The following TXNRD1 variants were observed in gnomAD, a reference collection of about 807,000 sequenced individuals.
TXNRD1 encodes the protein thioredoxin reductase 1, cytoplasmic.
In TXNRD1, 57 loss-of-function variants were observed where a neutral mutation model predicts 80.3. The observed-to-expected ratio is 0.71, with a 90% confidence interval of 0.57 to 0.89. TXNRD1 has a LOEUF of 0.89. Among genes scored for constraint, TXNRD1 ranks in the 40% least tolerant of loss-of-function variants. The pLI is 0.00. For missense variants in TXNRD1, 730 were observed against 803.0 expected, an observed-to-expected ratio of 0.91 and a Z score of 1.10; for synonymous variants, 291 against 285.2, an observed-to-expected ratio of 1.02 and a Z score of -0.20.
intron 15 of TXNRD1, 105 bp from the exon 16 acceptor site, chr12:104,339,034 A>T: frequency 6.9e-7 from 1 of 1,452,348 alleles, no homozygotes; most frequent in Non-Finnish European, 9.3e-7. Flanking sequence ...GTCATTTTTG[A>T]GTTGGATTTT....
intron 4 of TXNRD1, among the ~76,000 whole-genome samples, chr12:104,306,868 T>C (rs1170974535): frequency 6.6e-6 from 1 of 152,174 alleles, no homozygotes; most frequent in African/African-American, 2.4e-5. Flanking sequence ...GAAGAAAAAG[T>C]ACTCTTAATG....
At chr12:104,326,003 G>A (rs2063616100) in intron 11 of TXNRD1, among the ~76,000 whole-genome samples, 2 of 152,050 alleles carry the variant, frequency 1.3e-5, no homozygotes, top group African/African-American at 4.8e-5. Flanking sequence ...TTTCTGTCCC[G>A]TGTTCTTTCC....
intron 10 of TXNRD1, among the ~76,000 whole-genome samples, chr12:104,324,180 C>T (rs1717920773): frequency 6.6e-6 from 1 of 152,098 alleles, no homozygotes; most frequent in South Asian, 2.1e-4. Context: ...ACCAATTAAG[C>T]TCTTTTCCAA....
intron 4 of TXNRD1, among the ~76,000 whole-genome samples, chr12:104,290,720 C>CATATATGT (rs2034159298): frequency 1.8e-5 from 1 of 55,874 alleles, no homozygotes; most frequent in Non-Finnish European, 3.4e-5. Context: ...AAGAAATATA[C>CATATATGT]ATATATATAT....
At chr12:104,283,767 G>T (rs919977405) in intron 3 of TXNRD1, among the ~76,000 whole-genome samples, 13 of 152,108 alleles carry the variant, frequency 8.5e-5, no homozygotes, top group African/African-American at 2.4e-4. Context: ...CTACTCAGGA[G>T]GCTGAGGCAG....
At chr12:104,258,489 G>A (rs61937860) in intron 3 of TXNRD1, among the ~76,000 whole-genome samples, 9,562 of 152,306 alleles carry the variant, frequency 0.063, 399 homozygotes, top group Non-Finnish European at 0.096. Flanking sequence ...GATCAGTAAA[G>A]GTGAAAGATC....
intron 2 of TXNRD1, among the ~76,000 whole-genome samples, chr12:104,257,366 G>A (rs1392242415): frequency 6.8e-6 from 1 of 146,782 alleles, no homozygotes; most frequent in African/African-American, 2.5e-5. Context: ...TCCCAGGTTT[G>A]CCACATAATG....
rs869239974 is a variant in TXNRD1 at position 104,252,690 on chromosome 12, A to ATTTT, written c.243+1039_243+1042dup. Reference sequence around the variant, plus strand: ...TATATATATATATATATATATATATATTTTTTTTTTTTTTTTTTTTTTTTT... The same window carrying ATTTT: ...TATATATATATATATATATATATATATTTTTTTTTTTTTTTTTTTTTTTTTTTTT... On this transcript the variant is annotated intron_variant, in intron 2 of 16. Transcript: ENST00000525566. Among the ~76,000 whole-genome samples the ATTTT allele has an allele frequency of 7.8e-4, 31 of 39,658 alleles. 6 individuals carry two copies. Among genetic ancestry groups the ATTTT allele is most frequent in the African/African-American group, 2.9e-3 (25 of 8,538 alleles). The allele number at this position is 39,658 out of a possible 152,430, so 26.0% of individuals were successfully genotyped here. A position where few individuals can be genotyped will look rare whatever the true frequency, so the allele number is the denominator to read the frequency against.
intron 10 of TXNRD1, among the ~76,000 whole-genome samples, chr12:104,322,069 A>G (rs1384793855): frequency 1.3e-5 from 2 of 151,668 alleles, no homozygotes; most frequent in East Asian, 3.9e-4. Context: ...TAATGCTGAT[A>G]GATAAGAATA....
intron 1 of TXNRD1, among the ~76,000 whole-genome samples, chr12:104,216,370 G>C (rs759792323): frequency 1.3e-5 from 2 of 152,206 alleles, no homozygotes; most frequent in South Asian, 4.1e-4. Context: ...CCTCCATCGA[G>C]AATCTTGTCC....
intron 16 of TXNRD1, among the ~76,000 whole-genome samples, chr12:104,343,360 T>C (rs1056251173): frequency 6.6e-6 from 1 of 152,136 alleles, no homozygotes; most frequent in African/African-American, 2.4e-5. Context: ...ATATTTGGCA[T>C]AGAATTTAAA....
intron 6 of TXNRD1, among the ~76,000 whole-genome samples, chr12:104,315,444 C>T (rs1291465076): frequency 6.6e-6 from 1 of 152,122 alleles, no homozygotes; most frequent in African/African-American, 2.4e-5. Context: ...AATCGTAAGT[C>T]GGGTCGTCTG....
intron 1 of TXNRD1, among the ~76,000 whole-genome samples, chr12:104,241,265 T>G (rs568404937): frequency 2.7e-4 from 41 of 152,156 alleles, no homozygotes; most frequent in African/African-American, 9.4e-4. Context: ...GGTGTCAAAC[T>G]CCTGACCTGG....
At chr12:104,316,227 C>G (rs1314940728) in intron 7 of TXNRD1, among the ~76,000 whole-genome samples, 1 of 145,742 alleles carries the variant, frequency 6.9e-6, no homozygotes, top group East Asian at 2.0e-4. Flanking sequence ...TTTCATGTTG[C>G]ATTTTTCTCC....
chr12:104,304,539 C>T, intron 4 of TXNRD1: 1 of 1,613,978 alleles, frequency 6.2e-7, no homozygotes, highest in African/African-American at 1.3e-5. Flanking sequence ...GGCAACATGC[C>T]TACAAAGTTG....
intron 3 of TXNRD1, among the ~76,000 whole-genome samples, chr12:104,272,181 C>G (rs576994458): frequency 9.2e-4 from 140 of 152,264 alleles, no homozygotes; most frequent in African/African-American, 3.0e-3. Flanking sequence ...CCCTTACAGA[C>G]GGAGCAATGG....
In TXNRD1 at chr12:104,326,552, G is replaced by A. The variant is rs140828807; in HGVS notation, c.1385+129G>A. 2.6e-4 allele frequency: 142 copies of A among 542,374 alleles called. 3 individuals are homozygous for A. The East Asian group carries it at 4.9e-3, about 19-fold the overall frequency. The allele number at this position is 542,374 out of a possible 1,614,324, so 33.6% of individuals were successfully genotyped here. A position where few individuals can be genotyped will look rare whatever the true frequency, so the allele number is the denominator to read the frequency against. On this transcript the variant is annotated intron_variant, in intron 12 of 16. Coordinates refer to ENST00000525566, the MANE Select transcript of TXNRD1 (RefSeq NM_001093771.3). ...ACGATCTCGGCTCACTGCAACCTCCGTCCCCTGGGATCAAGCCATTCTCCT... is the reference window on the plus strand; with the variant it reads ...ACGATCTCGGCTCACTGCAACCTCCATCCCCTGGGATCAAGCCATTCTCCT...
intron 4 of TXNRD1, 100 bp from the exon 5 acceptor site, chr12:104,311,190 A>G: frequency 7.5e-7 from 1 of 1,339,448 alleles, no homozygotes; most frequent in South Asian, 1.5e-5. Flanking sequence ...CCCTTTGAAA[A>G]TTCCTTTTGT....
chr12:104,236,596 C>T (rs2032742649), intron 1 of TXNRD1, among the ~76,000 whole-genome samples: 1 of 151,982 alleles, frequency 6.6e-6, no homozygotes, highest in Non-Finnish European at 1.5e-5. Context: ...TTGAGACCAA[C>T]CTGACCAACA....
Sources: gnomAD v4.1 joint callset for allele counts (sites outside exome capture counted in the v4.1 genomes callset) on GRCh38, gnomAD v4.1.1 for gene constraint, MANE v1.5 for transcripts, NCBI Gene and HGNC (gene_info 2026-07-23, HGNC 2026-07-21) for gene names.